GALNT9: variants seen among roughly 807,000 people sequenced by gnomAD.
GALNT9 encodes the protein polypeptide N-acetylgalactosaminyltransferase 9, also known as GalNAc transferase 9.
GALNT9 carries 47 observed loss-of-function variants against 63.1 expected under a neutral mutation model. The ratio of observed to expected loss-of-function variants is 0.75; its 90% CI spans 0.59 to 0.95. The LOEUF is 0.95. Among genes scored for constraint, GALNT9 ranks in the 40% least tolerant of loss-of-function variants. The pLI is 0.00. For synonymous variants in GALNT9, 396 were observed against 365.7 expected (o/e 1.08, Z -0.94); for missense variants, 829 against 874.8 (o/e 0.95, Z 0.66).
rs1555241773 is a variant in GALNT9 at position 132,282,437 on chromosome 12, G to T, written c.419+3813C>A. Among the ~76,000 whole-genome samples, 2 of 152,200 alleles carry T rather than the reference G, an allele frequency of 1.3e-5. No homozygotes were observed. Among genetic ancestry groups the T allele is most frequent in the Admixed American group, 6.5e-5 (1 of 15,284 alleles). On this transcript the variant is annotated intron_variant, in intron 2 of 10. Coordinates refer to ENST00000328957, the MANE Select transcript of GALNT9 (RefSeq NM_001122636.2). This position sits in a 1 kb window ranked among gnomAD's most constrained non-coding sequence, Gnocchi z 4.5. ...CGTGTGTGTGCGTGTGTGCGTGCAT[G>T]CGTGTGTGTGCGTGTGCATGTGTGT...
rs1441375654 is a variant in GALNT9, at chr12:132,315,565, G to A, written c.238+13401C>T. 9.2e-5 allele frequency among the ~76,000 whole-genome samples: 14 copies of A among 152,218 alleles called. No individual in the cohort carries two copies. Among genetic ancestry groups the A allele is most frequent in the African/African-American group, 3.4e-4 (14 of 41,452 alleles). ...GCTGATGCGACTGAACTATTCTGTG[G>A]AAAGTAAAAATAGCCCCTTTCTGCC... is the stretch of plus-strand genomic sequence containing the variant. On this transcript the variant is annotated intron_variant, in intron 1 of 10. Coordinates refer to ENST00000328957, the MANE Select transcript of GALNT9 (RefSeq NM_001122636.2). The surrounding 1 kb of genome is among the most constrained non-coding windows in gnomAD (Gnocchi z 6.1).
Position 132,201,107 on chromosome 12 carries a change from C to G in GALNT9, c.1401+17G>C. On this transcript the variant is annotated intron_variant, in intron 8 of 10. Transcript: ENST00000328957. ...AAAGCCTGTCGGGCCGAACGGGGCC[C>G]TCGGGGGAGGTGCTACCTCTCCGTA... 1 of 1,610,782 alleles carries G rather than the reference C, an allele frequency of 6.2e-7. No homozygotes were observed. Among genetic ancestry groups the G allele is most frequent in the Non-Finnish European group, 8.5e-7 (1 of 1,178,204 alleles).
At chr12:132,293,896 C>T (rs1555243005) in intron 1 of GALNT9, among the ~76,000 whole-genome samples, 1 of 151,974 alleles carries the variant, frequency 6.6e-6, no homozygotes, top group African/African-American at 2.4e-5. Flanking sequence ...CAGTCGGGGC[C>T]AGAAGGAGAA....
At position 132,329,047 on chromosome 12, in the gene GALNT9, T is replaced by C; in HGVS notation, c.157A>G (p.Lys53Glu). 6.5e-7 allele frequency: 1 copy of C among 1,546,376 alleles called. No homozygotes were observed. Among genetic ancestry groups the C allele is most frequent in the Non-Finnish European group, 8.7e-7 (1 of 1,146,220 alleles). ...TCACGGTCCCCCAGCGTGCCCACCT[T>C]GGCGTGTCGGCTGCGCACCCGGCGG... ...GDRRVRSRHA[K>E]VGTLGDREAI... Residue 53 changes from lysine to glutamate, a missense_variant, in exon 1 of 11, where the codon AAG (lysine) becomes GAG (glutamate). Transcript: ENST00000328957.
intron 3 of GALNT9, among the ~76,000 whole-genome samples, chr12:132,262,199 G>T (rs953871071): frequency 6.6e-6 from 1 of 152,206 alleles, no homozygotes; most frequent in African/African-American, 2.4e-5. Context: ...CTCATGAGAA[G>T]AAGAGAGGAT....
intron 5 of GALNT9, among the ~76,000 whole-genome samples, chr12:132,248,683 C>T (rs1425811224): frequency 7.9e-5 from 12 of 152,258 alleles, no homozygotes; most frequent in African/African-American, 2.9e-4. Context: ...AACGACGCAG[C>T]TTGGAGCTGA....
intron 3 of GALNT9, among the ~76,000 whole-genome samples, chr12:132,262,105 A>T (rs1414200363): frequency 2.6e-5 from 4 of 152,232 alleles, no homozygotes; most frequent in African/African-American, 9.6e-5. Context: ...GAGAGGAAGC[A>T]GGGACTTTGT....
chr12:132,262,186 G>T (rs1339034458), intron 3 of GALNT9, among the ~76,000 whole-genome samples: 1 of 152,168 alleles, frequency 6.6e-6, no homozygotes, highest in African/African-American at 2.4e-5. Context: ...TCTAGTCTGG[G>T]TCCTCATGAG....
At position 132,254,438 on chromosome 12, in the gene GALNT9, T is replaced by C. The variant is rs533433495; in HGVS notation, c.959+3251A>G. ...GCATCGTGTCCTTCTTATTTTTTTC[T>C]CTCGCCTATTACTCCTGATCCTCCA... On this transcript the variant is annotated intron_variant, in intron 5 of 10. Transcript: ENST00000328957. 4.6e-5 allele frequency among the ~76,000 whole-genome samples: 7 copies of C among 152,376 alleles called. 1 individual carries two copies. In the East Asian group the frequency reaches 1.3e-3, roughly 29 times the overall value.
At chr12:132,216,085 CACAGAA>C (rs1877176705) in intron 6 of GALNT9, among the ~76,000 whole-genome samples, 1 of 146,062 alleles carries the variant, frequency 6.8e-6, no homozygotes, top group Admixed American at 7.8e-5. Context: ...TAGACAGAGA[CACAGAA>C]ACAGAGACAG....
At chr12:132,249,104 A>T (rs1878818516) in intron 5 of GALNT9, among the ~76,000 whole-genome samples, 1 of 152,246 alleles carries the variant, frequency 6.6e-6, no homozygotes, top group African/African-American at 2.4e-5. Context: ...TCCAGCAAGG[A>T]GCAGGCAGAG....
At chr12:132,281,858 A>C (rs28722158) in intron 2 of GALNT9, among the ~76,000 whole-genome samples, 6,607 of 92,102 alleles carry the variant, frequency 0.072, 121 homozygotes, top group African/African-American at 0.3. Context: ...TGGGGGTCCC[A>C]CATCCCACAG....
intron 1 of GALNT9, among the ~76,000 whole-genome samples, chr12:132,306,539 T>C (rs1220307096): frequency 6.6e-6 from 1 of 152,270 alleles, no homozygotes; most frequent in East Asian, 1.9e-4. Context: ...AGTTCGGACA[T>C]AGTGGCTTGG....
intron 1 of GALNT9, among the ~76,000 whole-genome samples, chr12:132,302,972 G>A (rs1161448398): frequency 6.6e-6 from 1 of 152,138 alleles, no homozygotes; most frequent in Non-Finnish European, 1.5e-5. Context: ...CGTCTAAGGG[G>A]GGCGAGGGTG....
Position 132,197,006 on chromosome 12 carries a change from C to G in GALNT9, c.*101G>C, listed in dbSNP as rs1419697582. Reference sequence around the variant, plus strand: ...TCTGCTGTCCTGGCCGCACATAGAGCCCTGTCCTGCTGTGTCTGCCGGGCA... The same window carrying G: ...TCTGCTGTCCTGGCCGCACATAGAGGCCTGTCCTGCTGTGTCTGCCGGGCA... On this transcript the variant is annotated 3_prime_UTR_variant, in exon 11 of 11. Coordinates refer to ENST00000328957, the MANE Select transcript of GALNT9 (RefSeq NM_001122636.2). The G allele has an allele frequency of 1.3e-6, 2 of 1,554,926 alleles. No individual in the cohort carries two copies. Among genetic ancestry groups the G allele is most frequent in the Non-Finnish European group, 1.7e-6 (2 of 1,150,402 alleles).
Position 132,246,198 on chromosome 12 carries a change from A to T in GALNT9, c.1077+1712T>A, listed in dbSNP as rs1878701950. On this transcript the variant is annotated intron_variant, in intron 6 of 10. Coordinates refer to ENST00000328957, the MANE Select transcript of GALNT9 (RefSeq NM_001122636.2). This position sits in a 1 kb window ranked among gnomAD's most constrained non-coding sequence, Gnocchi z 4.7. ...CACAGCAGTTAAGGGAAGTCAGAATATTAAAGAACCTGCCAGATTAACTTC... is the reference window on the plus strand; with the variant it reads ...CACAGCAGTTAAGGGAAGTCAGAATTTTAAAGAACCTGCCAGATTAACTTC... 6.6e-6 allele frequency among the ~76,000 whole-genome samples: 1 copy of T among 152,246 alleles called. No homozygotes were observed. The highest frequency in any genetic ancestry group is 2.1e-4 in the South Asian group (1 of 4,834).
At chr12:132,247,472 C>A (rs1555238070) in intron 6 of GALNT9, 1 of 389,176 alleles carries the variant, frequency 2.6e-6, no homozygotes, top group Admixed American at 3.0e-5. Context: ...ACCCTGGGAG[C>A]CTTGGCCGCC....
At chr12:132,254,148 A>C (rs781923034) in intron 5 of GALNT9, among the ~76,000 whole-genome samples, 4 of 151,860 alleles carry the variant, frequency 2.6e-5, no homozygotes, top group Non-Finnish European at 4.4e-5. Context: ...CGGCCTCCCA[A>C]GTAGTTGGGA....
rs780235115 is a variant in GALNT9 at position 132,203,646 on chromosome 12, G to A, written c.1122C>T (p.Arg374=). The part of the protein sequence containing the change: ...GGSMEVLPCS[R]VAHIERTRKP... ...TCCTGGTGCGCTCGATGTGGGCCAC[G>A]CGGGAGCAGGGCAGCACCTCCATGC... The change falls in exon 7 of 11, where the codon CGC becomes CGT. Residue 374 remains arginine, a synonymous_variant. Coordinates refer to ENST00000328957, the MANE Select transcript of GALNT9 (RefSeq NM_001122636.2). 13 of 1,613,640 alleles carry A rather than the reference G, an allele frequency of 8.1e-6. No homozygotes were observed. Among genetic ancestry groups the A allele is most frequent in the South Asian group, 7.7e-5 (7 of 91,084 alleles).
Sources: allele counts gnomAD v4.1 joint callset (sites outside exome capture counted in the v4.1 genomes callset), GRCh38; gene constraint gnomAD v4.1.1; non-coding constraint Gnocchi (gnomAD v3.1); transcripts MANE v1.5; gene names NCBI Gene and HGNC (gene_info 2026-07-23, HGNC 2026-07-21).